The following CCSER1 variants were observed in gnomAD, a reference collection of about 807,000 sequenced individuals.
CCSER1 encodes serine-rich coiled-coil domain-containing protein 1.
A neutral mutation model predicts 82.0 loss-of-function variants in CCSER1; 41 were observed. That is an observed-to-expected ratio of 0.50 (90% CI 0.39 to 0.65). The LOEUF (loss-of-function observed/expected upper bound fraction) is 0.65. Ranked by LOEUF, CCSER1 falls within the 30% of genes least tolerant of loss-of-function variation. The pLI, the probability that CCSER1 is intolerant of heterozygous loss-of-function variation, is 0.00. For synonymous variants in CCSER1, 414 were observed against 383.9 expected (o/e 1.08, Z -0.92); for missense variants, 1,119 against 1,064.2 (o/e 1.05, Z -0.72).
intron 10 of CCSER1, among the ~76,000 whole-genome samples, chr4:91,102,488 G>A (rs62312188): frequency 0.33 from 50,130 of 151,870 alleles, 8,829 homozygotes; most frequent in East Asian, 0.45. Context: ...GCTTTACAGC[G>A]GATTTTACAA....
intron 5 of CCSER1, among the ~76,000 whole-genome samples, chr4:90,537,443 T>G (rs28434365): frequency 6.6e-6 from 1 of 152,046 alleles, no homozygotes; most frequent in African/African-American, 2.4e-5. Flanking sequence ...ATAATTTTGT[T>G]TTTTTCTTCT....
chr4:91,226,883 C>A (rs1477773291), intron 10 of CCSER1, among the ~76,000 whole-genome samples: 1 of 151,728 alleles, frequency 6.6e-6, no homozygotes, highest in Non-Finnish European at 1.5e-5. Flanking sequence ...TAGTTACTAG[C>A]CATGTGAGTT....
At chr4:90,842,037 T>TC (rs1380568818) in intron 8 of CCSER1, among the ~76,000 whole-genome samples, 1 of 147,398 alleles carries the variant, frequency 6.8e-6, no homozygotes, top group Non-Finnish European at 1.5e-5. Context: ...GTTTTTTTTT[T>TC]CCCATTAAAA....
rs965589024 is a variant in CCSER1 at position 91,304,529 on chromosome 4, C to T, written c.2217+218535C>T. ...GATCATCAAAAATATCTTACCTTAGCGACCCAATATTAGTTCCAGGACTTA... is the reference window on the plus strand; with the variant it reads ...GATCATCAAAAATATCTTACCTTAGTGACCCAATATTAGTTCCAGGACTTA... On this transcript the variant is annotated intron_variant, in intron 10 of 10. Transcript: ENST00000509176. 5.3e-5 allele frequency among the ~76,000 whole-genome samples: 8 copies of T among 151,982 alleles called. No individual in the cohort carries two copies. In the East Asian group the frequency reaches 5.8e-4, roughly 11 times the overall value.
intron 5 of CCSER1, among the ~76,000 whole-genome samples, chr4:90,517,551 C>T (rs1772454009): frequency 6.6e-6 from 1 of 151,970 alleles, no homozygotes; most frequent in South Asian, 2.1e-4. Flanking sequence ...ATGAAATATT[C>T]AAGTGGAAGT....
chr4:90,646,059 T>G (rs1486992506), intron 6 of CCSER1, among the ~76,000 whole-genome samples: 2 of 152,166 alleles, frequency 1.3e-5, no homozygotes, highest in East Asian at 3.9e-4. Context: ...GGAAACAATT[T>G]TTTTTTGGTA....
At chr4:91,383,132 T>C (rs1433819027) in intron 10 of CCSER1, among the ~76,000 whole-genome samples, 1 of 152,158 alleles carries the variant, frequency 6.6e-6, no homozygotes, top group Non-Finnish European at 1.5e-5. Flanking sequence ...AAAAAAATTG[T>C]GTGATTCAGT....
chr4:90,191,507 A>G (rs138869462), intron 1 of CCSER1, among the ~76,000 whole-genome samples: 9 of 152,016 alleles, frequency 5.9e-5, no homozygotes, highest in African/African-American at 2.2e-4. Context: ...AGACAGCACT[A>G]TACCAGTAGT....
At chr4:90,630,868 GATTATTATTATTATTATT>G (rs71596533) in intron 6 of CCSER1, among the ~76,000 whole-genome samples, 24 of 143,328 alleles carry the variant, frequency 1.7e-4, no homozygotes, top group African/African-American at 4.8e-4. Flanking sequence ...TTTGTTCACA[GATTATTATTATTATTATT>G]ATTATTATTA....
Position 90,409,308 on chromosome 4 carries a change from A to C in CCSER1, c.1603+9179A>C, listed in dbSNP as rs376179756. On this transcript the variant is annotated intron_variant, in intron 4 of 10. Transcript: ENST00000509176. ...CACAAAGATAATCCTCGAGAAGAGC[A>C]ACTCCAAGAAACATAATTGTCAGAT... 1.0e-2 allele frequency among the ~76,000 whole-genome samples: 1,519 copies of C among 152,280 alleles called. 16 individuals carry two copies. The highest frequency in any genetic ancestry group is 0.03 in the South Asian group (143 of 4,824).
At chr4:90,566,738 G>T (rs893697679) in intron 5 of CCSER1, among the ~76,000 whole-genome samples, 3 of 151,858 alleles carry the variant, frequency 2.0e-5, no homozygotes, top group African/African-American at 7.3e-5. Flanking sequence ...GAATAGCTGG[G>T]ACTACAGACG....
At chr4:90,173,036 C>A (rs961865261) in intron 1 of CCSER1, among the ~76,000 whole-genome samples, 1 of 151,620 alleles carries the variant, frequency 6.6e-6, no homozygotes, top group Non-Finnish European at 1.5e-5. Context: ...GGGAAAGTGG[C>A]GATTTCAGTT....
At chr4:91,340,525 G>T (rs4593093) in intron 10 of CCSER1, among the ~76,000 whole-genome samples, 108,621 of 151,976 alleles carry the variant, frequency 0.71, 39,124 homozygotes, top group East Asian at 0.82. Context: ...GGGCTTTTTT[G>T]TTAAGTAATT....
intron 9 of CCSER1, among the ~76,000 whole-genome samples, chr4:90,943,592 T>G (rs1731847877): frequency 6.6e-6 from 1 of 152,022 alleles, no homozygotes; most frequent in African/African-American, 2.4e-5. Flanking sequence ...AAAGAGGTTC[T>G]TGTTCTATCA....
intron 8 of CCSER1, among the ~76,000 whole-genome samples, chr4:90,870,837 C>CTTTT (rs1766388390): frequency 2.1e-5 from 3 of 140,404 alleles, no homozygotes; most frequent in Non-Finnish European, 3.1e-5. Context: ...TTTTTTTTAC[C>CTTTT]GGGAGACTAT....
chr4:90,532,850 C>T (rs147456818), intron 5 of CCSER1, among the ~76,000 whole-genome samples: 50 of 152,238 alleles, frequency 3.3e-4, no homozygotes, highest in Non-Finnish European at 5.4e-4. Flanking sequence ...TCCTCCTCTA[C>T]TTCTCCCAAG....
intron 10 of CCSER1, among the ~76,000 whole-genome samples, chr4:91,147,136 T>C (rs564284812): frequency 6.6e-6 from 1 of 152,114 alleles, no homozygotes; most frequent in Admixed American, 6.5e-5. Context: ...AATCAGTGAG[T>C]TTTGGGATAT....
rs780567867 is a variant in CCSER1, at chr4:91,598,877, G to A, written c.2523G>A (p.Thr841=). ...KPTAKTEGLS[T]FLEKPKDQVA... Reference sequence around the variant, plus strand: ...CAGCTAAGACAGAAGGGCTCTCCACGTTCTTAGAGAAACCAAAGGACCAAG... The same window carrying A: ...CAGCTAAGACAGAAGGGCTCTCCACATTCTTAGAGAAACCAAAGGACCAAG... Residue 841 remains threonine, a synonymous_variant, in exon 11 of 11, where the codon ACG becomes ACA. Transcript: ENST00000509176. 2 of 1,551,480 alleles carry A rather than the reference G, an allele frequency of 1.3e-6. No individual in the cohort carries two copies. Among genetic ancestry groups the A allele is most frequent in the African/African-American group, 1.4e-5 (1 of 73,036 alleles).
intron 10 of CCSER1, among the ~76,000 whole-genome samples, chr4:91,482,144 TG>T (rs1369137057): frequency 6.6e-6 from 1 of 151,424 alleles, no homozygotes; most frequent in African/African-American, 2.4e-5. Flanking sequence ...GGCTCACGCC[TG>T]TAATCCCAGC....
Sources: gnomAD v4.1 joint callset for allele counts (sites outside exome capture counted in the v4.1 genomes callset) on GRCh38, gnomAD v4.1.1 for gene constraint, MANE v1.5 for transcripts, NCBI Gene and HGNC (gene_info 2026-07-23, HGNC 2026-07-21) for gene names.